Variants in OXCT1 observed in about 807,000 individuals in gnomAD.
OXCT1 encodes the protein 3-oxoacid CoA-transferase 1.
OXCT1 carries 27 observed loss-of-function variants against 69.6 expected under a neutral mutation model. The ratio of observed to expected loss-of-function variants is 0.39; its 90% CI spans 0.29 to 0.54. OXCT1 has a LOEUF of 0.54. Ranked by LOEUF, OXCT1 falls within the 20% of genes least tolerant of loss-of-function variation. OXCT1 has a pLI of 0.72. For synonymous variants in OXCT1, 202 were observed against 217.8 expected, an observed-to-expected ratio of 0.93 and a Z score of 0.64; for missense variants, 437 against 650.2, an observed-to-expected ratio of 0.67 and a Z score of 3.57.
At chr5:41,848,317 T>C (rs1360779039) in intron 5 of OXCT1, among the ~76,000 whole-genome samples, 1 of 149,642 alleles carries the variant, frequency 6.7e-6, no homozygotes, top group East Asian at 2.0e-4. Context: ...TCCATGCTCA[T>C]GGGTAGGAAG....
At chr5:41,822,262 C>T (rs1262185376) in intron 7 of OXCT1, among the ~76,000 whole-genome samples, 3 of 151,982 alleles carry the variant, frequency 2.0e-5, no homozygotes, top group Non-Finnish European at 2.9e-5. Flanking sequence ...GCAGCCAGTA[C>T]TGGTACTTCT....
intron 9 of OXCT1, among the ~76,000 whole-genome samples, chr5:41,804,543 C>T (rs1056303164): frequency 4.6e-5 from 7 of 151,994 alleles, no homozygotes; most frequent in Non-Finnish European, 7.4e-5. Flanking sequence ...CAGGATAAGA[C>T]GGGTTGAGAA....
intron 14 of OXCT1, among the ~76,000 whole-genome samples, chr5:41,758,339 T>C (rs906511610): frequency 1.3e-5 from 2 of 152,090 alleles, no homozygotes; most frequent in African/African-American, 4.8e-5. Context: ...AGTTGTGTAA[T>C]AGGAAGTTAG....
intron 13 of OXCT1, among the ~76,000 whole-genome samples, chr5:41,776,758 T>A (rs1447386818): frequency 6.6e-6 from 1 of 152,258 alleles, no homozygotes; most frequent in Non-Finnish European, 1.5e-5. Flanking sequence ...GAACGGCATG[T>A]GTGGGATTTT....
At chr5:41,842,548 T>C (rs1748678097) in intron 6 of OXCT1, 127 bp downstream of exon 6, 1 of 760,814 alleles carries the variant, frequency 1.3e-6, no homozygotes, top group East Asian at 2.5e-5. Context: ...CCTATATATG[T>C]GCAATACACA....
chr5:41,772,370 AAAAG>A (rs1744914195), intron 13 of OXCT1, among the ~76,000 whole-genome samples: 1 of 152,140 alleles, frequency 6.6e-6, no homozygotes, highest in Admixed American at 6.5e-5. Flanking sequence ...AACAAAAAAA[AAAAG>A]AGAGAGAGAG....
At position 41,742,284 on chromosome 5, in the gene OXCT1, G is replaced by T. The variant is rs528177237; in HGVS notation, c.1420-2793C>A. ...GGAAACTTTCCATTTAGTGATATAA[G>T]GTGCAAACAAAAAATTGACAAAAAT... On this transcript the variant is annotated intron_variant, in intron 15 of 16. Coordinates refer to ENST00000196371, the MANE Select transcript of OXCT1 (RefSeq NM_000436.4). 6.6e-5 allele frequency among the ~76,000 whole-genome samples: 10 copies of T among 152,186 alleles called. No individual in the cohort carries two copies. In the East Asian group the frequency reaches 1.9e-3, roughly 29 times the overall value.
chr5:41,762,064 A>G lies in OXCT1; in HGVS notation c.1338+47T>C. 2 of 1,278,122 alleles carry G rather than the reference A, an allele frequency of 1.6e-6. No individual in the cohort carries two copies. The highest frequency in any genetic ancestry group is 2.3e-6 in the Non-Finnish European group (2 of 873,052). The allele number at this position is 1,278,122 out of a possible 1,614,324, so 79.2% of individuals were successfully genotyped here. ...CTGGTGGTACACTGGGTTTTGATGT[A>G]TTGCAAATTTCCAAAAGCAGTATTT... On this transcript the variant is annotated intron_variant, in intron 14 of 16. Transcript: ENST00000196371. This position sits in a 1 kb window ranked among gnomAD's most constrained non-coding sequence, Gnocchi z 4.0.
chr5:41,862,601 T>C lies in OXCT1; in HGVS notation c.187+41A>G, dbSNP rs959191154. The C allele has an allele frequency of 5.2e-5, 55 of 1,048,138 alleles. No individual in the cohort carries two copies. In the East Asian group the frequency reaches 1.3e-3, roughly 24 times the overall value. 64.9% of individuals were successfully genotyped at this position (1,048,138 alleles called of 1,614,324 possible). Reference sequence around the variant, plus strand: ...GATTTGCCTGCTTCATTTAAAAACATAAGGACATTACCATAACATGAAAAC... The same window carrying C: ...GATTTGCCTGCTTCATTTAAAAACACAAGGACATTACCATAACATGAAAAC... On this transcript the variant is annotated intron_variant, in intron 2 of 16. Transcript: ENST00000196371.
intron 1 of OXCT1, among the ~76,000 whole-genome samples, chr5:41,865,639 T>A (rs1380377516): frequency 6.6e-6 from 1 of 152,170 alleles, no homozygotes; most frequent in African/African-American, 2.4e-5. Flanking sequence ...GCTCTTGGGA[T>A]CAAAAAATAC....
intron 7 of OXCT1, among the ~76,000 whole-genome samples, chr5:41,822,379 A>G (rs1219841873): frequency 6.6e-6 from 1 of 152,136 alleles, no homozygotes; most frequent in African/African-American, 2.4e-5. Context: ...TTTGTGGAGA[A>G]CTGACCTCTT....
intron 4 of OXCT1, among the ~76,000 whole-genome samples, chr5:41,851,446 T>G (rs1397832699): frequency 6.6e-6 from 1 of 152,182 alleles, no homozygotes. Flanking sequence ...ACCCCTTGCC[T>G]TAAAATATGT....
chr5:41,818,409 A>G (rs753019254), intron 7 of OXCT1, among the ~76,000 whole-genome samples: 2 of 152,208 alleles, frequency 1.3e-5, no homozygotes, highest in Non-Finnish European at 2.9e-5. Context: ...AAAGCATTGC[A>G]TCAGAAGTTC....
chr5:41,780,578 T>C (rs533046304), intron 13 of OXCT1, among the ~76,000 whole-genome samples: 2 of 152,320 alleles, frequency 1.3e-5, no homozygotes, highest in South Asian at 4.1e-4. Flanking sequence ...GAGAATTGTG[T>C]AGAGTGTCTA....
In OXCT1 at chr5:41,805,611, C is replaced by T; in HGVS notation, c.911G>A (p.Arg304Gln). ...SAKPGDDVRE[R>Q]IIKRAALEFE... ...CTCAAGAGCGGCCCTCTTGATGATTCGTTCCCTTACGTCATCTCCAGGTTT... is the reference window on the plus strand; with the variant it reads ...CTCAAGAGCGGCCCTCTTGATGATTTGTTCCCTTACGTCATCTCCAGGTTT... The change falls in exon 9 of 17, where the codon CGA becomes CAA. Residue 304 changes from arginine to glutamine, a missense_variant. Transcript: ENST00000196371. 3 of 1,612,998 alleles carry T rather than the reference C, an allele frequency of 1.9e-6. No individual in the cohort carries two copies. The highest frequency in any genetic ancestry group is 2.2e-5 in the East Asian group (1 of 44,826).
intron 13 of OXCT1, among the ~76,000 whole-genome samples, chr5:41,791,370 C>A (rs1037515570): frequency 1.3e-5 from 2 of 152,198 alleles, no homozygotes; most frequent in Non-Finnish European, 2.9e-5. Context: ...GTTGTTCATC[C>A]CACTAGGTCC....
chr5:41,863,989 T>C (rs1346039852), intron 1 of OXCT1, among the ~76,000 whole-genome samples: 2 of 152,182 alleles, frequency 1.3e-5, no homozygotes, highest in African/African-American at 2.4e-5. Flanking sequence ...TTAAGGTTTA[T>C]GGAGGCTACA....
chr5:41,763,412 T>C (rs1174801107), intron 13 of OXCT1, among the ~76,000 whole-genome samples: 1 of 152,126 alleles, frequency 6.6e-6, no homozygotes, highest in African/African-American at 2.4e-5. Flanking sequence ...TGGAAATGCA[T>C]ACTTTTAAAC....
chr5:41,845,060 G>A (rs1025534328), intron 5 of OXCT1, among the ~76,000 whole-genome samples: 2 of 151,740 alleles, frequency 1.3e-5, no homozygotes, highest in African/African-American at 4.8e-5. Flanking sequence ...ACTGCGTTCC[G>A]TAAAATTCAA....
Sources: allele counts gnomAD v4.1 joint callset (sites outside exome capture counted in the v4.1 genomes callset), GRCh38; gene constraint gnomAD v4.1.1; non-coding constraint Gnocchi (gnomAD v3.1); transcripts MANE v1.5; gene names NCBI Gene and HGNC (gene_info 2026-07-23, HGNC 2026-07-21).